Variants in PALMD observed in about 807,000 individuals in gnomAD.
The protein encoded by PALMD is paralemmin-like protein.
A neutral mutation model predicts 56.2 loss-of-function variants in PALMD; 42 were observed. That is an observed-to-expected ratio of 0.75 (90% CI 0.58 to 0.97). PALMD has a LOEUF of 0.97. Among genes scored for constraint, PALMD ranks in the 50% least tolerant of loss-of-function variants. The probability of loss-of-function intolerance (pLI) is 0.00; values close to 1 mark genes in which losing one functional copy is unlikely to be tolerated. For missense variants in PALMD, 660 were observed against 643.8 expected (o/e 1.03, Z -0.27); for synonymous variants, 242 against 222.9 (o/e 1.09, Z -0.76).
chr1:99,653,904 C>T lies in PALMD; in HGVS notation c.45+7542C>T, dbSNP rs11801367. On this transcript the variant is annotated intron_variant, in intron 1 of 7. Transcript: ENST00000263174. Reference sequence around the variant, plus strand: ...TCAGTCATTCTTCACAGACTCATTCCAGACAATCTCCAAAATGTCAGTGTA... The same window carrying T: ...TCAGTCATTCTTCACAGACTCATTCTAGACAATCTCCAAAATGTCAGTGTA... Among the ~76,000 whole-genome samples the T allele has an allele frequency of 7.9e-3, 1,205 of 152,178 alleles. 11 individuals are homozygous for T. Among genetic ancestry groups the T allele is most frequent in the African/African-American group, 0.028 (1,154 of 41,516 alleles).
chr1:99,649,697 A>G lies in PALMD; in HGVS notation c.45+3335A>G, dbSNP rs560160191. Among the ~76,000 whole-genome samples, 115 of 152,340 alleles carry G rather than the reference A, an allele frequency of 7.5e-4. 1 individual carries two copies. The South Asian group carries it at 0.023, about 31-fold the overall frequency. On this transcript the variant is annotated intron_variant, in intron 1 of 7. Transcript: ENST00000263174. ...TACATTTTCTTACCCCCATGCCTAC[A>G]GCGACATTGGAAAATACCATTACAA...
At position 99,689,751 on chromosome 1, in the gene PALMD, A is replaced by G. The variant is rs752799000; in HGVS notation, c.1491A>G (p.Lys497=). 6.2e-7 allele frequency: 1 copy of G among 1,613,824 alleles called. No homozygotes were observed. The highest frequency in any genetic ancestry group is 8.5e-7 in the Non-Finnish European group (1 of 1,179,860). Residue 497 remains lysine (K), a synonymous_variant, in exon 7 of 8, where the codon AAA becomes AAG. Coordinates refer to ENST00000263174, the MANE Select transcript of PALMD (RefSeq NM_017734.5). ...EASPHENTNH[K]SPHKNSISLK... The stretch of plus-strand genomic sequence containing the variant: ...GTCCTCATGAAAACACAAATCATAA[A>G]TCCCCCCACAAAAATTCCATATCTC...
In PALMD at chr1:99,646,329, T is replaced by C; in HGVS notation, c.12T>C (p.Ala4=). Residue 4 remains alanine, a synonymous_variant, in exon 1 of 8, where the codon GCT becomes GCC. Transcript: ENST00000263174. Reference sequence around the variant, plus strand: ...CCTTGACTTCTAGAATGGAAGAAGCTGAGCTGGTGAAGGGAAGACTCCAGG... The same window carrying C: ...CCTTGACTTCTAGAATGGAAGAAGCCGAGCTGGTGAAGGGAAGACTCCAGG... The part of the protein sequence containing the change: MEE[A]ELVKGRLQAI... 1.2e-6 allele frequency: 2 copies of C among 1,613,370 alleles called. No individual in the cohort carries two copies. Among genetic ancestry groups the C allele is most frequent in the Non-Finnish European group, 1.7e-6 (2 of 1,179,302 alleles).
chr1:99,686,748 G>T lies in PALMD; in HGVS notation c.324G>T (p.Lys108Asn), dbSNP rs1653506873. ...CAACGAAGGAAGAGGCCATTTTAAA[G>T]AAACTAAAGTCAATTGAGCGGACAA... The part of the protein sequence containing the change: ...QISTKEEAIL[K>N]KLKSIERTTE... The change falls in exon 4 of 8, where the codon AAG becomes AAT. Residue 108 changes from lysine to asparagine, a missense_variant. Physicochemically the swap from Lys to Asn is moderately conservative, Grantham distance 94. Coordinates refer to ENST00000263174, the MANE Select transcript of PALMD (RefSeq NM_017734.5). 1.2e-6 allele frequency: 2 copies of T among 1,607,286 alleles called. No individual in the cohort carries two copies. The highest frequency in any genetic ancestry group is 1.7e-6 in the Non-Finnish European group (2 of 1,175,010).
At chr1:99,683,050 AAGAAAG>A (rs1277959875) in intron 3 of PALMD, among the ~76,000 whole-genome samples, 290 of 15,358 alleles carry the variant, frequency 0.019, 22 homozygotes, top group Non-Finnish European at 0.022. Flanking sequence ...GAAAGAAAGA[AAGAAAG>A]AGAGAGAGAG....
In PALMD at chr1:99,689,515, G is replaced by C. The variant is rs758250751; in HGVS notation, c.1255G>C (p.Gly419Arg). ...DTEPVTMIFM[G>R]YQQAEDSEED... ...AGAACCGGTGACAATGATTTTCATG[G>C]GGTATCAGCAGGCAGAAGACAGTGA... is the stretch of plus-strand genomic sequence containing the variant. Residue 419 changes from glycine to arginine, a missense_variant, in exon 7 of 8, where the codon GGG becomes CGG. Transcript: ENST00000263174. The C allele has an allele frequency of 1.9e-6, 3 of 1,613,780 alleles. No homozygotes were observed. The highest frequency in any genetic ancestry group is 2.2e-5 in the South Asian group (2 of 91,062).
At chr1:99,664,735 C>T (rs755230549) in intron 2 of PALMD, among the ~76,000 whole-genome samples, 2 of 152,200 alleles carry the variant, frequency 1.3e-5, no homozygotes, top group Non-Finnish European at 2.9e-5. Flanking sequence ...CTGTTGGCCT[C>T]TATAGCCTGT....
intron 3 of PALMD, 71 bp downstream of exon 3, chr1:99,667,837 C>T (rs1204500582): frequency 1.5e-6 from 2 of 1,343,636 alleles, no homozygotes; most frequent in African/African-American, 1.5e-5. Flanking sequence ...CATAGACATG[C>T]CATTCTCACT....
intron 3 of PALMD, among the ~76,000 whole-genome samples, chr1:99,679,338 T>C (rs1210395485): frequency 6.6e-6 from 1 of 152,152 alleles, no homozygotes; most frequent in Non-Finnish European, 1.5e-5. Context: ...CAACACAGTC[T>C]TGTGTGGAAG....
At chr1:99,667,577 G>T in intron 2 of PALMD, 65 bp from the exon 3 acceptor site, 2 of 1,313,410 alleles carry the variant, frequency 1.5e-6, no homozygotes, top group Non-Finnish European at 2.2e-6. Flanking sequence ...AGATTTGAAA[G>T]CAGTAAGAGA....
chr1:99,673,576 T>G (rs1176131386), intron 3 of PALMD, among the ~76,000 whole-genome samples: 1 of 152,206 alleles, frequency 6.6e-6, no homozygotes, highest in Non-Finnish European at 1.5e-5. Flanking sequence ...GGTAATTACA[T>G]GAGTCAAAAT....
chr1:99,676,791 G>GA (rs796387197), intron 3 of PALMD, among the ~76,000 whole-genome samples: 31 of 149,800 alleles, frequency 2.1e-4, no homozygotes, highest in South Asian at 8.5e-4. Flanking sequence ...AGTAAAAAAA[G>GA]AAAAAAAAAG....
intron 2 of PALMD, among the ~76,000 whole-genome samples, chr1:99,666,230 TA>T (rs1396693451): frequency 6.6e-6 from 1 of 151,828 alleles, no homozygotes; most frequent in Admixed American, 6.6e-5. Flanking sequence ...TTGTAAGTTA[TA>T]ATGTTATATT....
rs375565782 is a variant in PALMD, at chr1:99,648,381, C to T, written c.45+2019C>T. On this transcript the variant is annotated intron_variant, in intron 1 of 7. Transcript: ENST00000263174. ...ACACGCCAGCTTTCCTCGCCCTCGCCCTTGCCTTGCCCAGGAAGCCACCTC... is the reference window on the plus strand; with the variant it reads ...ACACGCCAGCTTTCCTCGCCCTCGCTCTTGCCTTGCCCAGGAAGCCACCTC... 1.5e-4 allele frequency among the ~76,000 whole-genome samples: 23 copies of T among 152,270 alleles called. 2 individuals carry two copies. In the South Asian group the frequency reaches 4.8e-3, roughly 32 times the overall value.
rs555411730 is a variant in PALMD, at chr1:99,674,621, A to T, written c.251+6855A>T. Among the ~76,000 whole-genome samples, 144 of 151,546 alleles carry T rather than the reference A, an allele frequency of 9.5e-4. 1 individual carries two copies. The highest frequency in any genetic ancestry group is 6.8e-3 in the Middle Eastern group (2 of 294). On this transcript the variant is annotated intron_variant, in intron 3 of 7. Coordinates refer to ENST00000263174, the MANE Select transcript of PALMD (RefSeq NM_017734.5). ...AAACTCCCACCCAAAAAAAAAAAAA[A>T]TTTGTTTTTCTCTCTTTAAATCCCT...
intron 3 of PALMD, among the ~76,000 whole-genome samples, chr1:99,678,448 G>C (rs1384865159): frequency 6.6e-6 from 1 of 152,052 alleles, no homozygotes; most frequent in Non-Finnish European, 1.5e-5. Context: ...ATCAAGCCCT[G>C]TTGTAGGGGT....
chr1:99,693,079 G>T (rs1419096339), intron 7 of PALMD, among the ~76,000 whole-genome samples: 5 of 152,170 alleles, frequency 3.3e-5, no homozygotes, highest in Non-Finnish European at 7.3e-5. Context: ...GGTTTCTTAG[G>T]TATGGGGTCA....
At chr1:99,669,205 G>C (rs1190318093) in intron 3 of PALMD, 1 of 152,010 alleles carries the variant, frequency 6.6e-6, no homozygotes, top group African/African-American at 2.4e-5. Flanking sequence ...ATATTGAATA[G>C]CTAAAATAAC....
intron 1 of PALMD, among the ~76,000 whole-genome samples, chr1:99,660,496 G>C (rs963414749): frequency 6.6e-6 from 1 of 152,134 alleles, no homozygotes; most frequent in Non-Finnish European, 1.5e-5. Context: ...TGAATTTAAA[G>C]TACAATTAAT....
Sources: gnomAD v4.1 joint callset for allele counts (sites outside exome capture counted in the v4.1 genomes callset) on GRCh38, gnomAD v4.1.1 for gene constraint, MANE v1.5 for transcripts, NCBI Gene and HGNC (gene_info 2026-07-23, HGNC 2026-07-21) for gene names.